OSBPL10: variants seen among roughly 807,000 people sequenced by gnomAD.
The protein encoded by OSBPL10 is oxysterol binding protein like 10, also known as oxysterol-binding protein-related protein 10.
Under a neutral mutation model 81.7 loss-of-function variants are expected in OSBPL10, and 49 were observed. The observed-to-expected ratio is 0.60, with a 90% CI of 0.48 to 0.76. The LOEUF (loss-of-function observed/expected upper bound fraction) is 0.76, where lower values mean the gene tolerates loss of function less well. OSBPL10 is among the 30% of genes least tolerant of loss of function. The pLI, the probability that OSBPL10 is intolerant of heterozygous loss-of-function variation, is 0.00. For synonymous variants in OSBPL10, 419 were observed against 383.6 expected, an observed-to-expected ratio of 1.09 and a Z score of -1.08; for missense variants, 923 against 987.8, an observed-to-expected ratio of 0.93 and a Z score of 0.88.
At chr3:31,982,516 C>CT (rs1200059047), upstream of OSBPL10, among the ~76,000 whole-genome samples, 1 of 152,148 alleles carries the variant, frequency 6.6e-6, no homozygotes, top group African/African-American at 2.4e-5. Context: ...AGCCCAACCC[C>CT]TTTCTAGCTT....
At chr3:31,737,435 CATAA>C (rs1391071965) in intron 5 of OSBPL10, among the ~76,000 whole-genome samples, 2 of 151,972 alleles carry the variant, frequency 1.3e-5, no homozygotes, top group Admixed American at 6.6e-5. Context: ...TTCCTCAGCA[CATAA>C]ATATAGGACA....
At chr3:31,845,781 C>T (rs1359065891) in intron 3 of OSBPL10, among the ~76,000 whole-genome samples, 2 of 152,088 alleles carry the variant, frequency 1.3e-5, no homozygotes, top group Non-Finnish European at 2.9e-5. Context: ...ATGGGCAAAC[C>T]GATGCTTTTC....
chr3:31,831,270 G>T (rs1700233269), intron 3 of OSBPL10, among the ~76,000 whole-genome samples: 1 of 152,046 alleles, frequency 6.6e-6, no homozygotes. Context: ...GCCAGGCATG[G>T]TGGCACATGC....
intron 4 of OSBPL10, among the ~76,000 whole-genome samples, chr3:31,803,577 T>A (rs558657586): frequency 2.0e-5 from 3 of 152,218 alleles, no homozygotes; most frequent in African/African-American, 7.2e-5. Context: ...AAGGTTAACA[T>A]CTTACATAAA....
At chr3:31,732,055 A>C (rs1419661774) in intron 6 of OSBPL10, among the ~76,000 whole-genome samples, 11 of 152,180 alleles carry the variant, frequency 7.2e-5, no homozygotes, top group Admixed American at 7.2e-4. Context: ...AGAAATAAGG[A>C]TCTAAAAAAT....
intron 1 of OSBPL10, among the ~76,000 whole-genome samples, chr3:32,056,510 C>T (rs1004673755): frequency 6.6e-6 from 1 of 152,292 alleles, no homozygotes; most frequent in Non-Finnish European, 1.5e-5. Flanking sequence ...TTACTGTATG[C>T]TTGCTTAAAT....
At chr3:31,769,513 TTTATA>T (rs939116401) in intron 4 of OSBPL10, among the ~76,000 whole-genome samples, 6 of 140,768 alleles carry the variant, frequency 4.3e-5, no homozygotes, top group Admixed American at 1.4e-4. Context: ...AAAATATATT[TTTATA>T]TTATAACTCA....
chr3:31,830,024 G>A lies in OSBPL10; in HGVS notation c.729+16C>T. The A allele has an allele frequency of 1.9e-6, 3 of 1,606,222 alleles. No homozygotes were observed. Among genetic ancestry groups the A allele is most frequent in the Non-Finnish European group, 2.5e-6 (3 of 1,176,692 alleles). On this transcript the variant is annotated intron_variant, in intron 4 of 11. Transcript: ENST00000396556. ...CTCCCCGGGGCTGCTTAACCTAGTA[G>A]GAGAGCAAAGCCTACCTCTCTGACT...
chr3:31,818,291 T>C (rs1699897230), intron 4 of OSBPL10, among the ~76,000 whole-genome samples: 1 of 152,128 alleles, frequency 6.6e-6, no homozygotes, highest in Non-Finnish European at 1.5e-5. Flanking sequence ...CAAGAAGCAA[T>C]TATGATGGCA....
chr3:31,989,054 G>A, intron 2 of OSBPL10: 1 of 1,613,330 alleles, frequency 6.2e-7, no homozygotes, highest in Non-Finnish European at 8.5e-7. Context: ...AGGTCACACT[G>A]CAGCACTATT....
At position 31,684,003 on chromosome 3, in the gene OSBPL10, C is replaced by G. The variant is rs760766000; in HGVS notation, c.1357G>C (p.Glu453Gln). 1.2e-6 allele frequency: 2 copies of G among 1,614,224 alleles called. No individual in the cohort carries two copies. The highest frequency in any genetic ancestry group is 1.7e-6 in the Non-Finnish European group (2 of 1,180,054). The change falls in exon 8 of 12, where the codon GAG (glutamate) becomes CAG (glutamine). Residue 453 changes from glutamate (E) to glutamine (Q), a missense_variant. Transcript: ENST00000396556. ...LAITAGATPEERVICFVEYYL... is the reference protein window; with the variant it reads ...LAITAGATPEQRVICFVEYYL... Reference sequence around the variant, plus strand: ...TACTCAACGAAGCAAATGACTCTCTCCTCTGGTGTGGCCCCAGCGGTGATG... The same window carrying G: ...TACTCAACGAAGCAAATGACTCTCTGCTCTGGTGTGGCCCCAGCGGTGATG...
chr3:32,050,096 CA>C (rs1453807244), intron 1 of OSBPL10, among the ~76,000 whole-genome samples: 2 of 152,200 alleles, frequency 1.3e-5, no homozygotes, highest in Non-Finnish European at 2.9e-5. Context: ...CCTCTTGTCC[CA>C]AGGTCCTTAG....
At chr3:31,668,307 G>A (rs1700246481) in intron 10 of OSBPL10, among the ~76,000 whole-genome samples, 1 of 151,902 alleles carries the variant, frequency 6.6e-6, no homozygotes, top group African/African-American at 2.4e-5. Flanking sequence ...GTATCTTATT[G>A]ACTCACTGTG....
chr3:32,032,109 G>A (rs775218549), intron 2 of OSBPL10, among the ~76,000 whole-genome samples: 1 of 152,010 alleles, frequency 6.6e-6, no homozygotes, highest in Admixed American at 6.6e-5. Flanking sequence ...AATATAATAA[G>A]ACCCCATCTC....
chr3:31,860,342 A>C (rs939313718), intron 3 of OSBPL10, among the ~76,000 whole-genome samples: 1 of 152,178 alleles, frequency 6.6e-6, no homozygotes, highest in Non-Finnish European at 1.5e-5. Context: ...GTAAAAAAGG[A>C]AAGAATTAAG....
chr3:31,852,043 C>T (rs1409359760), intron 3 of OSBPL10, among the ~76,000 whole-genome samples: 1 of 152,148 alleles, frequency 6.6e-6, no homozygotes, highest in Non-Finnish European at 1.5e-5. Flanking sequence ...TTCCCAGCAG[C>T]TGCAGGGTGA....
chr3:31,954,054 T>G (rs897354790), intron 1 of OSBPL10, among the ~76,000 whole-genome samples: 15 of 152,230 alleles, frequency 9.9e-5, no homozygotes, highest in Admixed American at 1.3e-4. Context: ...GCACAAAGCA[T>G]GTCAAAATCC....
At chr3:32,015,645 C>A (rs1699305451) in intron 2 of OSBPL10, among the ~76,000 whole-genome samples, 1 of 152,100 alleles carries the variant, frequency 6.6e-6, no homozygotes, top group Non-Finnish European at 1.5e-5. Context: ...AAAGAAACTA[C>A]CATCAGAGTG....
At chr3:31,870,592 G>T (rs1423995284) in intron 3 of OSBPL10, among the ~76,000 whole-genome samples, 1 of 152,244 alleles carries the variant, frequency 6.6e-6, no homozygotes, top group Non-Finnish European at 1.5e-5. Flanking sequence ...GTCTGGTGGG[G>T]CCTTGGAGAA....
Sources: allele counts gnomAD v4.1 joint callset (sites outside exome capture counted in the v4.1 genomes callset), GRCh38; gene constraint gnomAD v4.1.1; transcripts MANE v1.5; gene names NCBI Gene and HGNC (gene_info 2026-07-23, HGNC 2026-07-21).